Variants in FHL5 observed in about 807,000 individuals in gnomAD.
The protein encoded by FHL5 is four and a half LIM domains protein 5.
FHL5 carries 33 observed loss-of-function variants against 32.0 expected under a neutral mutation model. That is an observed-to-expected ratio of 1.03 (90% CI 0.78 to 1.38). The LOEUF (loss-of-function observed/expected upper bound fraction) is 1.38. FHL5 is among the 40% of genes most tolerant of loss of function. FHL5 has a pLI of 0.00. For missense variants in FHL5, 336 were observed against 343.9 expected (o/e 0.98, Z 0.18); for synonymous variants, 114 against 113.6 (o/e 1.00, Z -0.02).
At chr6:96,591,067 T>C (rs1255674261) in intron 1 of FHL5, among the ~76,000 whole-genome samples, 2 of 152,132 alleles carry the variant, frequency 1.3e-5, no homozygotes, top group African/African-American at 4.8e-5. Context: ...TTTTAGATTT[T>C]GATACCAAAG....
At chr6:96,615,148 T>G (rs538981557) in intron 5 of FHL5, among the ~76,000 whole-genome samples, 1 of 152,298 alleles carries the variant, frequency 6.6e-6, no homozygotes, top group East Asian at 1.9e-4. Flanking sequence ...ACATTGGACA[T>G]CAAACTAGGA....
At chr6:96,564,771 A>G (rs554632969) in intron 1 of FHL5, among the ~76,000 whole-genome samples, 3 of 152,296 alleles carry the variant, frequency 2.0e-5, no homozygotes, top group South Asian at 4.1e-4. Flanking sequence ...TCTGAATCAG[A>G]TATTAGTTAA....
intron 3 of FHL5, 119 bp downstream of exon 3, chr6:96,605,043 ACTCTCTC>A: frequency 3.3e-6 from 2 of 604,028 alleles, no homozygotes; most frequent in Non-Finnish European, 5.5e-6. Flanking sequence ...TATCTTTCTT[ACTCTCTC>A]AATCTTCTTC....
intron 1 of FHL5, among the ~76,000 whole-genome samples, chr6:96,574,693 A>G (rs1770549638): frequency 6.6e-6 from 1 of 152,172 alleles, no homozygotes; most frequent in Non-Finnish European, 1.5e-5. Flanking sequence ...TATATTTTTA[A>G]GAAGAGGTAA....
rs547523003 is a variant in FHL5, at chr6:96,600,658, T to A, written c.-12-2944T>A. On this transcript the variant is annotated intron_variant, in intron 1 of 5. Coordinates refer to ENST00000450218, the MANE Select transcript of FHL5 (RefSeq NM_001322466.2). The stretch of plus-strand genomic sequence containing the variant: ...CATTTATATAGTTATAATACCTCTA[T>A]TTTTAAGAAACACTATTTGGATGTA... 7.9e-5 allele frequency among the ~76,000 whole-genome samples: 12 copies of A among 152,306 alleles called. No homozygotes were observed. The East Asian group carries it at 2.3e-3, about 29-fold the overall frequency.
intron 1 of FHL5, among the ~76,000 whole-genome samples, chr6:96,572,954 T>C (rs1770510254): frequency 6.6e-6 from 1 of 152,226 alleles, no homozygotes; most frequent in Non-Finnish European, 1.5e-5. Flanking sequence ...TGGCTGTCTT[T>C]GACAGAGGCA....
chr6:96,574,649 G>T (rs577181914), intron 1 of FHL5, among the ~76,000 whole-genome samples: 55 of 152,244 alleles, frequency 3.6e-4, no homozygotes, highest in African/African-American at 1.3e-3. Context: ...CCTTCCCAGG[G>T]TTTGAGAAAT....
intron 1 of FHL5, among the ~76,000 whole-genome samples, chr6:96,574,595 A>G (rs1418140327): frequency 1.3e-5 from 2 of 152,206 alleles, no homozygotes; most frequent in Non-Finnish European, 1.5e-5. Context: ...TGAGCTACAT[A>G]TAGTGGCAGA....
intron 1 of FHL5, among the ~76,000 whole-genome samples, chr6:96,598,340 G>A (rs533206222): frequency 4.6e-5 from 7 of 152,236 alleles, no homozygotes; most frequent in South Asian, 2.1e-4. Flanking sequence ...GTTTGTAGCC[G>A]AGCCAAATCT....
chr6:96,610,824 T>C, intron 5 of FHL5, 66 bp downstream of exon 5: 1 of 1,184,452 alleles, frequency 8.4e-7, no homozygotes, highest in Non-Finnish European at 1.2e-6. Flanking sequence ...CACTATCTAG[T>C]TAATTTAGGA....
At chr6:96,567,769 AT>A (rs35391217) in intron 1 of FHL5, among the ~76,000 whole-genome samples, 59,510 of 138,610 alleles carry the variant, frequency 0.43, 12,830 homozygotes, top group African/African-American at 0.58. Flanking sequence ...TTGTTTCTTG[AT>A]TTTTTTTCCA....
intron 1 of FHL5, among the ~76,000 whole-genome samples, chr6:96,571,724 G>A (rs778812944): frequency 4.6e-5 from 7 of 152,246 alleles, no homozygotes; most frequent in Middle Eastern, 3.4e-3. Context: ...CAGGGAATAA[G>A]GAGTGCTCTG....
chr6:96,585,901 A>G (rs1770787584), intron 1 of FHL5, among the ~76,000 whole-genome samples: 2 of 152,256 alleles, frequency 1.3e-5, no homozygotes, highest in African/African-American at 4.8e-5. Flanking sequence ...ACATATAAGT[A>G]GCGTATTTAT....
chr6:96,565,048 G>C (rs114398831), intron 1 of FHL5, among the ~76,000 whole-genome samples: 18 of 151,994 alleles, frequency 1.2e-4, no homozygotes, highest in African/African-American at 4.1e-4. Flanking sequence ...TTGAGCCCAG[G>C]GTTCAAGACC....
At chr6:96,579,306 G>A (rs986055102) in intron 1 of FHL5, among the ~76,000 whole-genome samples, 8 of 152,076 alleles carry the variant, frequency 5.3e-5, no homozygotes, top group South Asian at 2.1e-4. Context: ...AGGAAGGCAC[G>A]TTTGATTTTG....
At chr6:96,599,289 G>A (rs949727061) in intron 1 of FHL5, among the ~76,000 whole-genome samples, 3 of 147,822 alleles carry the variant, frequency 2.0e-5, no homozygotes, top group African/African-American at 7.5e-5. Flanking sequence ...TTCACCTCCT[G>A]GGTTCAAGTG....
intron 1 of FHL5, among the ~76,000 whole-genome samples, chr6:96,586,598 T>G (rs542725608): frequency 3.5e-4 from 54 of 152,252 alleles, no homozygotes; most frequent in African/African-American, 1.3e-3. Context: ...AAATTAGCAG[T>G]TTACAAATGG....
chr6:96,615,679 A>G lies in FHL5; in HGVS notation c.762A>G (p.Lys254=), dbSNP rs9398148. 541,807 of 1,610,334 alleles carry G rather than the reference A, an allele frequency of 0.34. 93,404 individuals are homozygous for G. The highest frequency in any genetic ancestry group is 0.48 in the African/African-American group (36,113 of 74,722). Residue 254 remains lysine, a synonymous_variant, in exon 6 of 6, where the codon AAA becomes AAG. Transcript: ENST00000450218. The stretch of plus-strand genomic sequence containing the variant: ...ATAGCGAATGCTTTAACTGCGGGAA[A>G]TGCTCTGTCTCCTTGGTGGGTAAAG... ...QWHSECFNCG[K]CSVSLVGKGF...
At chr6:96,575,143 G>A (rs868423679) in intron 1 of FHL5, among the ~76,000 whole-genome samples, 5 of 152,100 alleles carry the variant, frequency 3.3e-5, no homozygotes, top group South Asian at 2.1e-4. Context: ...TTTAACATCC[G>A]GTTAACGAAA....
Sources: allele counts gnomAD v4.1 joint callset (sites outside exome capture counted in the v4.1 genomes callset), GRCh38; gene constraint gnomAD v4.1.1; transcripts MANE v1.5; gene names NCBI Gene and HGNC (gene_info 2026-07-23, HGNC 2026-07-21).